The following CPEB3 variants were observed in gnomAD, a reference collection of about 807,000 sequenced individuals.
The protein encoded by CPEB3 is cytoplasmic polyadenylation element-binding protein 3.
CPEB3 carries 20 observed loss-of-function variants against 67.2 expected under a neutral mutation model. The ratio of observed to expected loss-of-function variants is 0.30; its 90% CI spans 0.21 to 0.43. The LOEUF (loss-of-function observed/expected upper bound fraction) is 0.43, where lower values mean the gene tolerates loss of function less well. Ranked by LOEUF, CPEB3 falls within the 20% of genes least tolerant of loss-of-function variation. CPEB3 has a pLI of 1.00. For missense variants in CPEB3, 746 were observed against 968.6 expected (o/e 0.77, Z 3.05); for synonymous variants, 376 against 393.1 (o/e 0.96, Z 0.51).
intron 2 of CPEB3, among the ~76,000 whole-genome samples, chr10:92,202,893 A>G (rs1849582895): frequency 6.6e-6 from 1 of 151,862 alleles, no homozygotes; most frequent in Non-Finnish European, 1.5e-5. Context: ...TTATATCTCA[A>G]TAAATCTATT....
chr10:92,151,822 C>A (rs1176337162), intron 4 of CPEB3, among the ~76,000 whole-genome samples: 1 of 152,146 alleles, frequency 6.6e-6, no homozygotes, highest in Non-Finnish European at 1.5e-5. Context: ...TTAAACACTA[C>A]TGTTGATCCC....
chr10:92,257,882 A>AC (rs1418776325), intron 1 of CPEB3, among the ~76,000 whole-genome samples: 2 of 151,162 alleles, frequency 1.3e-5, no homozygotes, highest in Admixed American at 6.6e-5. Flanking sequence ...GGCGCCCACC[A>AC]CCATGCCCAG....
chr10:92,148,464 C>T (rs1372874724), intron 4 of CPEB3, among the ~76,000 whole-genome samples: 6 of 152,110 alleles, frequency 3.9e-5, no homozygotes, highest in Non-Finnish European at 8.8e-5. Flanking sequence ...GGTTAGATTC[C>T]CTTTTCTATC....
intron 2 of CPEB3, among the ~76,000 whole-genome samples, chr10:92,200,489 G>A (rs1332109874): frequency 7.3e-6 from 1 of 137,346 alleles, no homozygotes; most frequent in Non-Finnish European, 1.5e-5. Context: ...AGGTTGAGGT[G>A]AGCCGAGATC....
At chr10:92,109,442 A>C (rs1280255378) in intron 7 of CPEB3, among the ~76,000 whole-genome samples, 3 of 151,930 alleles carry the variant, frequency 2.0e-5, no homozygotes, top group Non-Finnish European at 4.4e-5. Flanking sequence ...TTAGTAGAGA[A>C]GGGGTTTCAC....
At chr10:92,196,396 A>G (rs1023630179) in intron 2 of CPEB3, among the ~76,000 whole-genome samples, 1 of 152,162 alleles carries the variant, frequency 6.6e-6, no homozygotes, top group African/African-American at 2.4e-5. Context: ...TCAAAATCCA[A>G]TTTTCAAATT....
intron 1 of CPEB3, among the ~76,000 whole-genome samples, chr10:92,275,851 T>C (rs970809365): frequency 2.0e-5 from 3 of 146,626 alleles, no homozygotes; most frequent in African/African-American, 7.6e-5. Flanking sequence ...TTTTCTTTTT[T>C]TTTTTTTTTT....
At chr10:92,289,867 C>T (rs1265504209) in intron 1 of CPEB3, among the ~76,000 whole-genome samples, 2 of 118,534 alleles carry the variant, frequency 1.7e-5, no homozygotes, top group African/African-American at 1.1e-4. Context: ...ATATTAGACA[C>T]CCCGATTAAA....
intron 1 of CPEB3, among the ~76,000 whole-genome samples, chr10:92,268,576 C>G (rs1473982054): frequency 3.9e-5 from 6 of 152,188 alleles, no homozygotes; most frequent in Non-Finnish European, 8.8e-5. Flanking sequence ...GCAACACACC[C>G]TTCTCTCTCA....
In CPEB3 at chr10:92,287,205, T is replaced by C. The variant is rs1590626852; in HGVS notation, c.-12+3721A>G. ...GTGCAGTGGTGCGATCTCAGCTCATTGCAACCTCCGCCTCCCAGGTTCAAG... is the reference window on the plus strand; with the variant it reads ...GTGCAGTGGTGCGATCTCAGCTCATCGCAACCTCCGCCTCCCAGGTTCAAG... On this transcript the variant is annotated intron_variant, in intron 1 of 9. Coordinates refer to ENST00000265997, the MANE Select transcript of CPEB3 (RefSeq NM_014912.5). Among the ~76,000 whole-genome samples the C allele has an allele frequency of 5.3e-5, 8 of 152,164 alleles. No homozygotes were observed. The South Asian group carries it at 1.7e-3, about 32-fold the overall frequency.
At chr10:92,111,295 C>A in intron 6 of CPEB3, 101 bp from the exon 7 acceptor site, 1 of 830,762 alleles carries the variant, frequency 1.2e-6, no homozygotes, top group Admixed American at 1.9e-5. Flanking sequence ...CAAATTCTTA[C>A]TAAAATCTAA....
chr10:92,099,341 A>T (rs938700969), intron 7 of CPEB3, among the ~76,000 whole-genome samples: 3 of 150,988 alleles, frequency 2.0e-5, no homozygotes, highest in Non-Finnish European at 4.4e-5. Flanking sequence ...TTGTAGAGAC[A>T]GGGTTTTGCC....
chr10:92,275,984 G>A (rs1053529301), intron 1 of CPEB3, among the ~76,000 whole-genome samples: 2 of 151,644 alleles, frequency 1.3e-5, no homozygotes, highest in Non-Finnish European at 2.9e-5. Context: ...AAGTAGCTGG[G>A]ACTACTGGCA....
rs140890098 is a variant in CPEB3 at position 92,286,622 on chromosome 10, GCTACTAGCATAC to G, written c.-12+4292_-12+4303del. On this transcript the variant is annotated intron_variant, in intron 1 of 9. Transcript: ENST00000265997. ...AAAAACATAGGTATAGTTATAATTT[GCTACTAGCATAC>G]CTATGCATATATTTTCTGGAAACAC... 5.3e-3 allele frequency among the ~76,000 whole-genome samples: 801 copies of G among 150,440 alleles called. 8 individuals carry two copies. Among genetic ancestry groups the G allele is most frequent in the African/African-American group, 0.019 (762 of 41,014 alleles).
intron 1 of CPEB3, among the ~76,000 whole-genome samples, chr10:92,286,505 A>G (rs1401301400): frequency 1.3e-5 from 2 of 151,592 alleles, no homozygotes; most frequent in African/African-American, 4.9e-5. Flanking sequence ...GAATCTCTTG[A>G]ACCTGGGAGT....
At chr10:92,199,391 CAAAA>C (rs61159896) in intron 2 of CPEB3, among the ~76,000 whole-genome samples, 3 of 76,362 alleles carry the variant, frequency 3.9e-5, no homozygotes, top group African/African-American at 5.1e-5. Context: ...AACTCTGTCT[CAAAA>C]AAAAAAAAAA....
intron 1 of CPEB3, among the ~76,000 whole-genome samples, chr10:92,257,301 A>T (rs1431360804): frequency 1.3e-5 from 2 of 152,024 alleles, no homozygotes; most frequent in Non-Finnish European, 2.9e-5. Flanking sequence ...CAAATTATTT[A>T]TTTTATTTTT....
chr10:92,061,803 A>G (rs1416195783), intron 9 of CPEB3, among the ~76,000 whole-genome samples: 1 of 152,164 alleles, frequency 6.6e-6, no homozygotes, highest in Non-Finnish European at 1.5e-5. Context: ...ATAATAACTT[A>G]ATTGTATATT....
At chr10:92,156,115 A>G (rs1847197702) in intron 4 of CPEB3, among the ~76,000 whole-genome samples, 1 of 152,194 alleles carries the variant, frequency 6.6e-6, no homozygotes, top group African/African-American at 2.4e-5. Flanking sequence ...ATGAAGAATC[A>G]GGGCATACAG....
Sources: allele counts gnomAD v4.1 joint callset (sites outside exome capture counted in the v4.1 genomes callset), GRCh38; gene constraint gnomAD v4.1.1; transcripts MANE v1.5; gene names NCBI Gene and HGNC (gene_info 2026-07-23, HGNC 2026-07-21).